The following DPYD variants were observed in gnomAD, a reference collection of about 807,000 sequenced individuals.
The protein encoded by DPYD is dihydropyrimidine dehydrogenase, also known as dihydropyrimidine dehydrogenase [NADP(+)].
Under a neutral mutation model 116.2 loss-of-function variants are expected in DPYD, and 109 were observed. That is an observed-to-expected ratio of 0.94 (90% CI 0.80 to 1.10). The LOEUF is 1.10. Among genes scored for constraint, DPYD ranks in the 50% least tolerant of loss-of-function variants. DPYD has a pLI of 0.00. For missense variants in DPYD, 1,302 were observed against 1,254.5 expected, an observed-to-expected ratio of 1.04 and a Z score of -0.57; for synonymous variants, 440 against 432.0, an observed-to-expected ratio of 1.02 and a Z score of -0.23.
chr1:97,266,890 C>A (rs577442058), intron 18 of DPYD, among the ~76,000 whole-genome samples: 1 of 151,998 alleles, frequency 6.6e-6, no homozygotes, highest in African/African-American at 2.4e-5. Flanking sequence ...TAGTATTCCA[C>A]GGTGTATATG....
chr1:97,736,872 G>GTT (rs919214387), intron 4 of DPYD, among the ~76,000 whole-genome samples: 1 of 151,524 alleles, frequency 6.6e-6, no homozygotes, highest in African/African-American at 2.4e-5. Context: ...GTGTGTGTGT[G>GTT]TGTGTGTGTG....
chr1:97,829,611 A>T (rs1669423994), intron 2 of DPYD, among the ~76,000 whole-genome samples: 1 of 152,168 alleles, frequency 6.6e-6, no homozygotes, highest in South Asian at 2.1e-4. Flanking sequence ...AAGAAATTTA[A>T]AAACTTTCTC....
intron 20 of DPYD, among the ~76,000 whole-genome samples, chr1:97,161,070 T>A (rs928138656): frequency 6.6e-6 from 1 of 152,142 alleles, no homozygotes; most frequent in African/African-American, 2.4e-5. Flanking sequence ...TGCACACATA[T>A]CTTGAATTGG....
chr1:97,292,656 A>G (rs771992775), intron 18 of DPYD, among the ~76,000 whole-genome samples: 2 of 152,194 alleles, frequency 1.3e-5, no homozygotes, highest in Non-Finnish European at 2.9e-5. Context: ...GTGATTTCAA[A>G]TAATGTACAA....
intron 14 of DPYD, among the ~76,000 whole-genome samples, chr1:97,419,617 T>C (rs555834609): frequency 6.6e-6 from 1 of 152,182 alleles, no homozygotes; most frequent in Non-Finnish European, 1.5e-5. Flanking sequence ...CTCCAGGCCT[T>C]TTCCACATAT....
intron 14 of DPYD, among the ~76,000 whole-genome samples, chr1:97,441,061 A>G (rs980005846): frequency 1.3e-5 from 2 of 152,142 alleles, no homozygotes; most frequent in African/African-American, 4.8e-5. Flanking sequence ...TAACTGTTAC[A>G]TGTGTTTTTC....
chr1:97,392,145 A>G (rs1475978396), intron 14 of DPYD, among the ~76,000 whole-genome samples: 1 of 152,072 alleles, frequency 6.6e-6, no homozygotes, highest in Non-Finnish European at 1.5e-5. Context: ...TCCAGATGAC[A>G]GCACTAAAAC....
chr1:97,612,765 A>G (rs1414537834), intron 8 of DPYD, among the ~76,000 whole-genome samples: 1 of 151,996 alleles, frequency 6.6e-6, no homozygotes, highest in Non-Finnish European at 1.5e-5. Flanking sequence ...ATACCATAGC[A>G]GTTGGGCTTG....
intron 14 of DPYD, among the ~76,000 whole-genome samples, chr1:97,384,635 G>C (rs546458211): frequency 6.6e-6 from 1 of 152,138 alleles, no homozygotes; most frequent in Non-Finnish European, 1.5e-5. Context: ...ATATGAGTAA[G>C]AGTGAAGAGT....
chr1:97,534,045 G>A (rs1402737720), intron 12 of DPYD, among the ~76,000 whole-genome samples: 2 of 151,900 alleles, frequency 1.3e-5, no homozygotes, highest in Non-Finnish European at 2.9e-5. Flanking sequence ...TCCTAAACTC[G>A]GTGTCCTCAT....
intron 20 of DPYD, among the ~76,000 whole-genome samples, chr1:97,182,005 T>C (rs1657680483): frequency 6.6e-6 from 1 of 152,166 alleles, no homozygotes; most frequent in South Asian, 2.1e-4. Context: ...GGGATCCATG[T>C]AGCTGTTCCA....
chr1:97,723,196 A>T (rs1344507787), intron 4 of DPYD, among the ~76,000 whole-genome samples: 3 of 151,594 alleles, frequency 2.0e-5, no homozygotes, highest in East Asian at 3.9e-4. Flanking sequence ...TCCCTTCAGC[A>T]ATGAAAGTTA....
chr1:97,264,403 C>G (rs2100863325), intron 18 of DPYD, among the ~76,000 whole-genome samples: 1 of 151,828 alleles, frequency 6.6e-6, no homozygotes, highest in East Asian at 1.9e-4. Flanking sequence ...CCAGGCTGGT[C>G]TTGAACTCCT....
intron 20 of DPYD, among the ~76,000 whole-genome samples, chr1:97,186,752 G>A (rs1658018240): frequency 6.6e-6 from 1 of 152,166 alleles, no homozygotes; most frequent in Non-Finnish European, 1.5e-5. Flanking sequence ...GGGAGGCTCA[G>A]CCATGAGAAT....
At chr1:97,441,271 C>A (rs1361212924) in intron 14 of DPYD, among the ~76,000 whole-genome samples, 1 of 151,904 alleles carries the variant, frequency 6.6e-6, no homozygotes, top group East Asian at 1.9e-4. Context: ...GGAAGCTTTG[C>A]ACTATTATTT....
At chr1:97,235,060 T>A in intron 18 of DPYD, 66 bp from the exon 19 acceptor site, 1 of 1,586,446 alleles carries the variant, frequency 6.3e-7, no homozygotes, top group Non-Finnish European at 8.6e-7. Context: ...CTTATATTAC[T>A]TCTATTACTA....
At chr1:97,309,331 T>TTG (rs59669909) in intron 16 of DPYD, among the ~76,000 whole-genome samples, 31,813 of 147,394 alleles carry the variant, frequency 0.22, 3,977 homozygotes, top group African/African-American at 0.37. Flanking sequence ...GTTGCTTGTC[T>TTG]TGTGTGTGTG....
At chr1:97,671,161 G>T (rs372948155) in intron 8 of DPYD, among the ~76,000 whole-genome samples, 7 of 151,570 alleles carry the variant, frequency 4.6e-5, no homozygotes, top group Non-Finnish European at 8.8e-5. Flanking sequence ...ACAATAATAC[G>T]GAAGACATCA....
intron 14 of DPYD, among the ~76,000 whole-genome samples, chr1:97,414,124 A>G (rs1378997824): frequency 6.6e-6 from 1 of 152,180 alleles, no homozygotes; most frequent in Admixed American, 6.5e-5. Context: ...AACTAAAAGA[A>G]CAGTAAAAAA....
Sources: allele counts gnomAD v4.1 joint callset (sites outside exome capture counted in the v4.1 genomes callset), GRCh38; gene constraint gnomAD v4.1.1; transcripts MANE v1.5; gene names NCBI Gene and HGNC (gene_info 2026-07-23, HGNC 2026-07-21).